The following AUTS2 variants were observed in gnomAD, a reference collection of about 807,000 sequenced individuals.
AUTS2 encodes the protein activator of transcription and developmental regulator AUTS2.
In AUTS2, 17 loss-of-function variants were observed where a neutral mutation model predicts 112.4. That is an observed-to-expected ratio of 0.15 (90% CI 0.10 to 0.23). The LOEUF is 0.23. Ranked by LOEUF, AUTS2 falls within the 10% of genes least tolerant of loss-of-function variation. The probability of loss-of-function intolerance (pLI) is 1.00; values close to 1 mark genes in which losing one functional copy is unlikely to be tolerated. For synonymous variants in AUTS2, 751 were observed against 702.7 expected, an observed-to-expected ratio of 1.07 and a Z score of -1.09; for missense variants, 1,510 against 1,701.6, an observed-to-expected ratio of 0.89 and a Z score of 1.98.
chr7:70,596,475 G>C (rs1037954921), intron 5 of AUTS2: 3 of 152,274 alleles, frequency 2.0e-5, no homozygotes, highest in Non-Finnish European at 4.4e-5. Context: ...CTTCCGTCTT[G>C]AGTCTCCTGA....
intron 1 of AUTS2, among the ~76,000 whole-genome samples, chr7:69,750,687 G>A (rs1476156347): frequency 2.0e-5 from 3 of 151,868 alleles, no homozygotes; most frequent in Non-Finnish European, 2.9e-5. Context: ...GTAAAGATCT[G>A]GGCCTTACAA....
intron 4 of AUTS2, among the ~76,000 whole-genome samples, chr7:70,189,443 C>G (rs1000342472): frequency 6.6e-6 from 1 of 152,152 alleles, no homozygotes; most frequent in African/African-American, 2.4e-5. Context: ...TCCATGACAA[C>G]TTGTTACTGA....
Position 70,762,060 on chromosome 7 carries a change from G to T in AUTS2, c.743-810G>T, listed in dbSNP as rs1789597101. On this transcript the variant is annotated intron_variant, in intron 6 of 18. Transcript: ENST00000342771. ...ACAAAAAATTATCTGTAAATGTCAA[G>T]TGTGTCCCTTTGGTCAAAATGGAAA... Among the ~76,000 whole-genome samples, 5 of 152,200 alleles carry T rather than the reference G, an allele frequency of 3.3e-5. No homozygotes were observed. In the South Asian group the frequency reaches 1.0e-3, roughly 32 times the overall value.
At chr7:70,442,110 A>G (rs1316268980) in intron 5 of AUTS2, among the ~76,000 whole-genome samples, 3 of 152,238 alleles carry the variant, frequency 2.0e-5, no homozygotes, top group East Asian at 1.9e-4. Context: ...TCCAGATTTC[A>G]TAGCAGCAAA....
intron 5 of AUTS2, among the ~76,000 whole-genome samples, chr7:70,561,059 C>T (rs1428528912): frequency 6.6e-6 from 1 of 152,202 alleles, no homozygotes; most frequent in African/African-American, 2.4e-5. Flanking sequence ...AATTGTCTCT[C>T]ACTTCCCTGG....
intron 1 of AUTS2, among the ~76,000 whole-genome samples, chr7:69,647,751 T>C (rs935026148): frequency 2.6e-5 from 4 of 152,152 alleles, no homozygotes; most frequent in Non-Finnish European, 2.9e-5. Context: ...ACAGAAATAG[T>C]CTCATAGTTT....
intron 5 of AUTS2, among the ~76,000 whole-genome samples, chr7:70,691,420 GAAAAA>G (rs5884795): frequency 1.4e-5 from 2 of 148,062 alleles, no homozygotes; most frequent in Non-Finnish European, 3.0e-5. Flanking sequence ...ATTTCTCAAG[GAAAAA>G]AAAAAAAAAC....
At chr7:69,795,263 A>T (rs933145948) in intron 1 of AUTS2, among the ~76,000 whole-genome samples, 1 of 152,188 alleles carries the variant, frequency 6.6e-6, no homozygotes, top group Non-Finnish European at 1.5e-5. Context: ...ATTTATAGGA[A>T]CAAAAAAGAT....
intron 5 of AUTS2, among the ~76,000 whole-genome samples, chr7:70,456,420 A>G (rs1796742361): frequency 6.6e-6 from 1 of 152,250 alleles, no homozygotes; most frequent in South Asian, 2.1e-4. Flanking sequence ...TGCGAGTGTC[A>G]TGTGCAATTT....
intron 1 of AUTS2, among the ~76,000 whole-genome samples, chr7:69,630,494 C>T (rs577281472): frequency 2.6e-5 from 4 of 152,224 alleles, no homozygotes; most frequent in Middle Eastern, 3.4e-3. Context: ...TGAATCACAG[C>T]GTGACCTTTC....
chr7:70,697,568 C>G lies in AUTS2; in HGVS notation c.691-1001C>G, dbSNP rs146439272. On this transcript the variant is annotated intron_variant, in intron 5 of 18. Coordinates refer to ENST00000342771, the MANE Select transcript of AUTS2 (RefSeq NM_015570.4). ...ATGCTGCACTTCAGAATTCCCCCCC[C>G]CCATTTCCTATATTTCCTTTTTCCA... 7.0e-4 allele frequency among the ~76,000 whole-genome samples: 100 copies of G among 142,814 alleles called. 1 individual carries two copies. In the East Asian group the frequency reaches 0.02, roughly 28 times the overall value. The allele number at this position is 142,814 out of a possible 152,430, so 93.7% of individuals were successfully genotyped here. A position where few individuals can be genotyped will look rare whatever the true frequency, so the allele number is the denominator to read the frequency against.
chr7:70,319,778 T>C (rs1298894866), intron 4 of AUTS2, among the ~76,000 whole-genome samples: 1 of 152,216 alleles, frequency 6.6e-6, no homozygotes, highest in Non-Finnish European at 1.5e-5. Flanking sequence ...ACAAACAACC[T>C]TGATAAATTA....
At chr7:70,040,772 A>T (rs1219812104) in intron 2 of AUTS2, among the ~76,000 whole-genome samples, 6 of 152,128 alleles carry the variant, frequency 3.9e-5, no homozygotes. Flanking sequence ...TCTCTAATGG[A>T]GGTTAAAGGT....
chr7:69,816,244 T>G (rs909678899), intron 1 of AUTS2, among the ~76,000 whole-genome samples: 7 of 152,200 alleles, frequency 4.6e-5, no homozygotes, highest in Non-Finnish European at 8.8e-5. Context: ...TGATGATTTC[T>G]AAAAGGGAAG....
At chr7:69,876,345 AAAAAATATATATAT>A (rs1793754881) in intron 1 of AUTS2, among the ~76,000 whole-genome samples, 6 of 66,144 alleles carry the variant, frequency 9.1e-5, no homozygotes, top group African/African-American at 3.8e-4. Flanking sequence ...AAAAAAAAAA[AAAAAATATATATAT>A]ATATATATAT....
intron 4 of AUTS2, among the ~76,000 whole-genome samples, chr7:70,431,058 C>G (rs930706835): frequency 6.6e-6 from 1 of 151,978 alleles, no homozygotes; most frequent in Non-Finnish European, 1.5e-5. Context: ...GGGATGGTCT[C>G]GATCTCCTGA....
At chr7:70,487,910 G>A (rs1217744652) in intron 5 of AUTS2, among the ~76,000 whole-genome samples, 9 of 152,214 alleles carry the variant, frequency 5.9e-5, no homozygotes, top group Admixed American at 4.6e-4. Context: ...TTAAAATAGG[G>A]GGATGAGTAG....
rs11977387 is a variant in AUTS2, at chr7:69,868,780, T to C, written c.310-30506T>C. 8.8e-3 allele frequency among the ~76,000 whole-genome samples: 1,345 copies of C among 152,278 alleles called. 23 individuals carry two copies. The highest frequency in any genetic ancestry group is 0.031 in the African/African-American group (1,281 of 41,564). ...CTTAAGATCAAGCAAGACTTAAATC[T>C]TGATCTTAGGCCTTTTGGGCCATTG... is the stretch of plus-strand genomic sequence containing the variant. On this transcript the variant is annotated intron_variant, in intron 1 of 18. Transcript: ENST00000342771.
At chr7:70,112,532 C>A (rs1305946657) in intron 2 of AUTS2, among the ~76,000 whole-genome samples, 1 of 151,960 alleles carries the variant, frequency 6.6e-6, no homozygotes, top group Non-Finnish European at 1.5e-5. Flanking sequence ...TAGTAGAATG[C>A]TAAAGGCTCC....
Sources: gnomAD v4.1 joint callset for allele counts (sites outside exome capture counted in the v4.1 genomes callset) on GRCh38, gnomAD v4.1.1 for gene constraint, MANE v1.5 for transcripts, NCBI Gene and HGNC (gene_info 2026-07-23, HGNC 2026-07-21) for gene names.